The following BRD10 variants were observed in gnomAD, a reference collection of about 807,000 sequenced individuals.
The protein encoded by BRD10 is uncharacterized bromodomain-containing protein 10.
chr9:5,887,693 A>C, the BRD10 span, among the ~76,000 whole-genome samples: 1 of 152,218 alleles, frequency 6.6e-6, no homozygotes, highest in African/African-American at 2.4e-5. Flanking sequence ...ATCTATTGAC[A>C]CAAGGGGCTT....
chr9:5,924,409 C>G, the BRD10 span, among the ~76,000 whole-genome samples: 1 of 151,982 alleles, frequency 6.6e-6, no homozygotes, highest in African/African-American at 2.4e-5. Context: ...TCTTGAATAG[C>G]TGGGACTACA....
At chr9:5,982,424 A>G in the BRD10 span, among the ~76,000 whole-genome samples, 1 of 152,180 alleles carries the variant, frequency 6.6e-6, no homozygotes, top group Non-Finnish European at 1.5e-5. Context: ...ATGTGGCAGT[A>G]TTGAGAGGTG....
chr9:5,923,789 G>T, the BRD10 span, among the ~76,000 whole-genome samples: 2 of 152,204 alleles, frequency 1.3e-5, no homozygotes, highest in Admixed American at 1.3e-4. Context: ...CATCCTTATA[G>T]TGAAAAAATT....
At chr9:5,960,451 A>G in the BRD10 span, among the ~76,000 whole-genome samples, 1 of 152,046 alleles carries the variant, frequency 6.6e-6, no homozygotes, top group Non-Finnish European at 1.5e-5. Flanking sequence ...AGTCCCAGCT[A>G]CTTGGGAGGC....
chr9:5,911,045 A>C, the BRD10 span, among the ~76,000 whole-genome samples: 1 of 152,258 alleles, frequency 6.6e-6, no homozygotes, highest in Admixed American at 6.5e-5. Context: ...TCTTAACTTG[A>C]TGTGATCCTA....
the BRD10 span, chr9:5,908,739 A>G: frequency 6.3e-7 from 1 of 1,587,902 alleles, no homozygotes; most frequent in South Asian, 1.1e-5. Context: ...ACATGCTGAA[A>G]TTATTTCTCT....
chr9:5,964,012 A>G, the BRD10 span, among the ~76,000 whole-genome samples: 3 of 152,152 alleles, frequency 2.0e-5, no homozygotes, highest in African/African-American at 7.2e-5. Context: ...CTTCATGTCC[A>G]AAACACCAAA....
chr9:5,987,622 T>C, the BRD10 span, among the ~76,000 whole-genome samples: 1 of 152,232 alleles, frequency 6.6e-6, no homozygotes, highest in South Asian at 2.1e-4. Flanking sequence ...GCAAGTTACA[T>C]TTATTATTAC....
the BRD10 span, chr9:5,968,003 A>G: frequency 3.0e-5 from 43 of 1,420,852 alleles, 1 homozygote; most frequent in East Asian, 1.0e-3. Flanking sequence ...ACTCCCATCC[A>G]TTTGTGTTAG....
At chr9:5,939,778 G>A in the BRD10 span, among the ~76,000 whole-genome samples, 1 of 152,208 alleles carries the variant, frequency 6.6e-6, no homozygotes, top group South Asian at 2.1e-4. Flanking sequence ...TTGTTGTGGA[G>A]AAATGTCTGT....
chr9:5,920,802 A>G, the BRD10 span: 1 of 1,613,958 alleles, frequency 6.2e-7, no homozygotes, highest in Non-Finnish European at 8.5e-7. Flanking sequence ...CATTTAGGAG[A>G]CACTACTGGT....
the BRD10 span, chr9:5,944,805 T>A: frequency 2.9e-6 from 2 of 689,512 alleles, no homozygotes; most frequent in Non-Finnish European, 4.6e-6. Flanking sequence ...AAAAAGGCTT[T>A]AGGAAAAAGC....
chr9:5,964,740 G>C, the BRD10 span, among the ~76,000 whole-genome samples: 2 of 138,534 alleles, frequency 1.4e-5, no homozygotes, highest in Non-Finnish European at 3.1e-5. Flanking sequence ...AAAATGATGA[G>C]TTCATGTCCT....
the BRD10 span, among the ~76,000 whole-genome samples, chr9:5,904,772 A>T: frequency 7.2e-6 from 1 of 139,778 alleles, no homozygotes; most frequent in African/African-American, 2.6e-5. Flanking sequence ...GTCCAGTTAC[A>T]CTTCTTTTTT....
At chr9:6,006,704 C>G in the BRD10 span, among the ~76,000 whole-genome samples, 1 of 152,180 alleles carries the variant, frequency 6.6e-6, no homozygotes, top group Non-Finnish European at 1.5e-5. Context: ...TTTAGTAACA[C>G]TCCATAAATC....
the BRD10 span, among the ~76,000 whole-genome samples, chr9:5,971,619 A>T: frequency 1.3e-5 from 2 of 152,278 alleles, no homozygotes; most frequent in South Asian, 4.1e-4. Context: ...TCATACTATA[A>T]CTGTCATTAG....
chr9:5,961,665 T>C, the BRD10 span, among the ~76,000 whole-genome samples: 2 of 152,146 alleles, frequency 1.3e-5, 1 homozygote, highest in Admixed American at 1.3e-4. Flanking sequence ...ATAATGGACA[T>C]TATATTGTTT....
chr9:5,885,126 G>A, the BRD10 span, among the ~76,000 whole-genome samples: 3 of 152,128 alleles, frequency 2.0e-5, no homozygotes, highest in South Asian at 2.1e-4. Flanking sequence ...GCCATGCCTC[G>A]ATTCTATTCC....
At chr9:5,956,780 TACTTA>T in the BRD10 span, among the ~76,000 whole-genome samples, 2 of 152,322 alleles carry the variant, frequency 1.3e-5, no homozygotes, top group African/African-American at 2.4e-5. Flanking sequence ...ATGAATGTAA[TACTTA>T]ACTTAGAGTA....
Sources: allele counts gnomAD v4.1 joint callset (sites outside exome capture counted in the v4.1 genomes callset), GRCh38; gene constraint gnomAD v4.1.1; transcripts MANE v1.5; gene names NCBI Gene and HGNC (gene_info 2026-07-23, HGNC 2026-07-21).